PLEKHG2: variants seen among roughly 807,000 people sequenced by gnomAD.
PLEKHG2 encodes the protein pleckstrin homology domain-containing family G member 2.
In PLEKHG2, 71 loss-of-function variants were observed where a neutral mutation model predicts 104.4. The ratio of observed to expected loss-of-function variants is 0.68; its 90% CI spans 0.56 to 0.83. The LOEUF (loss-of-function observed/expected upper bound fraction) is 0.83, where lower values mean the gene tolerates loss of function less well. Among genes scored for constraint, PLEKHG2 ranks in the 40% least tolerant of loss-of-function variants. The pLI, the probability that PLEKHG2 is intolerant of heterozygous loss-of-function variation, is 0.00. For synonymous variants in PLEKHG2, 728 were observed against 737.0 expected, an observed-to-expected ratio of 0.99 and a Z score of 0.20; for missense variants, 1,730 against 1,809.4, an observed-to-expected ratio of 0.96 and a Z score of 0.80.
Position 39,423,987 on chromosome 19 carries a change from G to C in PLEKHG2, c.2854G>C (p.Ala952Pro), listed in dbSNP as rs202165686. The C allele has an allele frequency of 5.6e-6, 9 of 1,613,982 alleles. No individual in the cohort carries two copies. In the East Asian group the frequency reaches 1.8e-4, roughly 32 times the overall value. ...GGSRHVQAPAATPLPKQEGPL... is the reference protein window; with the variant it reads ...GGSRHVQAPAPTPLPKQEGPL... ...TTCCCGGCATGTCCAGGCTCCAGCC[G>C]CCACACCTTTGCCCAAGCAAGAAGG... Residue 952 changes from alanine (A) to proline (P), a missense_variant, in exon 19 of 19, where the codon GCC (alanine) becomes CCC (proline). Ala to Pro is a conservative substitution (Grantham distance 27). Transcript: ENST00000425673.
chr19:39,417,729 G>A, intron 8 of PLEKHG2, 37 bp downstream of exon 8: 1 of 1,461,818 alleles, frequency 6.8e-7, no homozygotes, highest in African/African-American at 1.4e-5. Context: ...CTGGATGAGG[G>A]AGTGAGCGAG....
chr19:39,417,452 C>T, intron 7 of PLEKHG2, 103 bp from the exon 8 acceptor site: 1 of 1,438,920 alleles, frequency 6.9e-7, no homozygotes. Flanking sequence ...TGCGCCTGGC[C>T]TCTGCCCCTA....
rs1013356727 is a variant in PLEKHG2 at position 39,413,993 on chromosome 19, C to T, written c.-22-72C>T. On this transcript the variant is annotated intron_variant, in intron 1 of 18. Coordinates refer to ENST00000425673, the MANE Select transcript of PLEKHG2 (RefSeq NM_022835.3). The surrounding 1 kb of genome is among the most constrained non-coding windows in gnomAD (Gnocchi z 4.5). The stretch of plus-strand genomic sequence containing the variant: ...TTTACACCACGCTCCTAATTCCCAG[C>T]CCCCATCTGTGAGTCTGGGCGGCGG... The T allele has an allele frequency of 1.1e-5, 12 of 1,046,856 alleles. No homozygotes were observed. Among genetic ancestry groups the T allele is most frequent in the East Asian group, 2.7e-5 (1 of 37,500 alleles). 64.8% of individuals were successfully genotyped at this position (1,046,856 alleles called of 1,614,324 possible). A position where few individuals can be genotyped will look rare whatever the true frequency, so the allele number is the denominator to read the frequency against.
chr19:39,425,090 G>T lies in PLEKHG2; in HGVS notation c.3957G>T (p.Pro1319=), dbSNP rs753163544. The change falls in exon 19 of 19, where the codon CCG becomes CCT. Residue 1319 remains proline, a synonymous_variant. Transcript: ENST00000425673. ...SSAPTSRASS[P]PPQPQPPPPP... is the part of the protein sequence containing the mutation. ...CTCCCACGTCACGGGCATCTTCGCC[G>T]CCCCCCCAGCCCCAGCCACCACCTC... 3.8e-6 allele frequency: 6 copies of T among 1,583,870 alleles called. No individual in the cohort carries two copies. Among genetic ancestry groups the T allele is most frequent in the Non-Finnish European group, 5.1e-6 (6 of 1,165,664 alleles).
chr19:39,416,673 C>G lies in PLEKHG2; in HGVS notation c.593+76C>G. 2 of 1,573,080 alleles carry G rather than the reference C, an allele frequency of 1.3e-6. No homozygotes were observed. Among genetic ancestry groups the G allele is most frequent in the South Asian group, 1.1e-5 (1 of 89,036 alleles). On this transcript the variant is annotated intron_variant, in intron 6 of 18. Transcript: ENST00000425673. The surrounding 1 kb of genome is among the most constrained non-coding windows in gnomAD (Gnocchi z 4.5). Reference sequence around the variant, plus strand: ...GTGCCAGTCACCCGTCACCCTCCCTCTACCCCCGACCCATCCAGCACCGAC... The same window carrying G: ...GTGCCAGTCACCCGTCACCCTCCCTGTACCCCCGACCCATCCAGCACCGAC...
At chr19:39,422,704 T>G (rs2078718556) in intron 17 of PLEKHG2, 28 bp from the exon 18 acceptor site, 1 of 1,510,246 alleles carries the variant, frequency 6.6e-7, no homozygotes, top group East Asian at 2.3e-5. Flanking sequence ...GCTGATATGT[T>G]TGGCTTGTTC....
At chr19:39,417,437 G>A (rs1369137378) in intron 7 of PLEKHG2, 118 bp from the exon 8 acceptor site, 2 of 1,307,714 alleles carry the variant, frequency 1.5e-6, no homozygotes, top group Non-Finnish European at 2.1e-6. Flanking sequence ...ACAGACATGA[G>A]CCACTGCGCC....
At chr19:39,420,574 C>T (rs1036130052) in intron 11 of PLEKHG2, 52 bp from the exon 12 acceptor site, 1 of 1,612,376 alleles carries the variant, frequency 6.2e-7, no homozygotes, top group South Asian at 1.1e-5. Flanking sequence ...AGTATCCTCT[C>T]TGTGGTACTC....
intron 2 of PLEKHG2, among the ~76,000 whole-genome samples, chr19:39,414,605 G>A (rs1033780459): frequency 4.6e-5 from 7 of 152,204 alleles, no homozygotes; most frequent in African/African-American, 1.4e-4. Flanking sequence ...GTAAGAAGAG[G>A]GGTGGCTGTG....
intron 16 of PLEKHG2, chr19:39,421,592 G>A: frequency 2.1e-6 from 1 of 475,836 alleles, no homozygotes; most frequent in Non-Finnish European, 3.9e-6. Flanking sequence ...GGAGACTGAG[G>A]TGGGAGGATT....
rs375324424 is a variant in PLEKHG2, at chr19:39,424,784, A to T, written c.3651A>T (p.Arg1217Ser). ...CAGCTGCCACACCTTTACCTGAGAG[A>T]GGAGGCTCTCTAGACATTCAGGGCC... ...HVPAATPLPE[R>S]GGSLDIQGLS... is the part of the protein sequence containing the mutation. The change falls in exon 19 of 19, where the codon AGA (arginine) becomes AGT (serine). Residue 1217 changes from arginine (R) to serine (S), a missense_variant. Coordinates refer to ENST00000425673, the MANE Select transcript of PLEKHG2 (RefSeq NM_022835.3). The T allele has an allele frequency of 4.6e-5, 75 of 1,614,126 alleles. No homozygotes were observed. Among genetic ancestry groups the T allele is most frequent in the Non-Finnish European group, 6.3e-5 (74 of 1,180,012 alleles).
At chr19:39,417,756 T>TGGGGGGGGGGGGCCTGGGGGGGGGGG in intron 8 of PLEKHG2, 64 bp downstream of exon 8, 1 of 343,348 alleles carries the variant, frequency 2.9e-6, no homozygotes. Context: ...TTGGGGCGGG[T>TGGGGGGGGGGGGCCTGGGGGGGGGGG]GGGGGGAAAT....
intron 8 of PLEKHG2, 98 bp from the exon 9 acceptor site, chr19:39,417,807 C>A: frequency 6.7e-7 from 1 of 1,500,518 alleles, no homozygotes. Flanking sequence ...GCTGGGACAG[C>A]ATGGCCCTGT....
At position 39,424,176 on chromosome 19, in the gene PLEKHG2, C is replaced by T. The variant is rs772894496; in HGVS notation, c.3043C>T (p.His1015Tyr). ...CPEQGHCADI[H>Y]VPTTPALPKE... ...TGAGCAGGGACACTGTGCGGACATC[C>T]ACGTTCCCACCACTCCAGCTTTGCC... The change falls in exon 19 of 19, where the codon CAC (histidine) becomes TAC (tyrosine). Residue 1015 changes from histidine to tyrosine, a missense_variant. Transcript: ENST00000425673. 6.2e-7 allele frequency: 1 copy of T among 1,614,180 alleles called. No homozygotes were observed. The highest frequency in any genetic ancestry group is 1.1e-5 in the South Asian group (1 of 91,086).
chr19:39,421,434 T>G, intron 16 of PLEKHG2, 135 bp downstream of exon 16: 1 of 1,052,744 alleles, frequency 9.5e-7, no homozygotes, highest in East Asian at 2.6e-5. Flanking sequence ...GCCTGTAATC[T>G]CAGTATTTTG....
Position 39,424,017 on chromosome 19 carries a change from C to G in PLEKHG2, c.2884C>G (p.Leu962Val). ...ACCTTTGCCCAAGCAAGAAGGCCCC[C>G]TGCACCTCCAGGTGCCGGCTCTTAC... is the stretch of plus-strand genomic sequence containing the variant. The part of the protein sequence containing the change: ...ATPLPKQEGP[L>V]HLQVPALTTF... The change falls in exon 19 of 19, where the codon CTG (leucine) becomes GTG (valine). Residue 962 changes from leucine to valine, a missense_variant. Leu to Val is a conservative substitution (Grantham distance 32). Coordinates refer to ENST00000425673, the MANE Select transcript of PLEKHG2 (RefSeq NM_022835.3). 1 of 1,614,126 alleles carries G rather than the reference C, an allele frequency of 6.2e-7. No individual in the cohort carries two copies. The highest frequency in any genetic ancestry group is 8.5e-7 in the Non-Finnish European group (1 of 1,179,996).
intron 2 of PLEKHG2, among the ~76,000 whole-genome samples, chr19:39,414,572 T>C (rs1354213066): frequency 1.3e-5 from 2 of 152,136 alleles, no homozygotes; most frequent in Non-Finnish European, 2.9e-5. Context: ...TGAAAGAAGT[T>C]GAGTGTCACT....
At position 39,423,632 on chromosome 19, in the gene PLEKHG2, C is replaced by T. The variant is rs550247261; in HGVS notation, c.2578C>T (p.Pro860Ser). 10 of 1,537,486 alleles carry T rather than the reference C, an allele frequency of 6.5e-6. No homozygotes were observed. The African/African-American group carries it at 1.4e-4, about 21-fold the overall frequency. ...LAQPQPSPCLPQEQAEPGLLP... is the reference protein window; with the variant it reads ...LAQPQPSPCLSQEQAEPGLLP... ...CCAACCCCAGCCATCCCCCTGTCTG[C>T]CCCAGGAGCAGGCAGAGCCAGGTGA... Residue 860 changes from proline to serine, a missense_variant, in exon 18 of 19, where the codon CCC becomes TCC. By Grantham distance (74) the Pro-to-Ser change is moderately conservative. Coordinates refer to ENST00000425673, the MANE Select transcript of PLEKHG2 (RefSeq NM_022835.3).
Position 39,423,957 on chromosome 19 carries a change from G to A in PLEKHG2, c.2824G>A (p.Gly942Arg), listed in dbSNP as rs773547088. The change falls in exon 19 of 19, where the codon GGA becomes AGA. Residue 942 changes from glycine to arginine, a missense_variant. Physicochemically the swap from Gly to Arg is moderately radical, Grantham distance 125. Transcript: ENST00000425673. ...VSAATLLPEQGGSRHVQAPAA... is the reference protein window; with the variant it reads ...VSAATLLPEQRGSRHVQAPAA... ...AGCTGCTACCCTTTTGCCTGAGCAA[G>A]GAGGTTCCCGGCATGTCCAGGCTCC... The A allele has an allele frequency of 6.2e-7, 1 of 1,614,046 alleles. No individual in the cohort carries two copies. The highest frequency in any genetic ancestry group is 8.5e-7 in the Non-Finnish European group (1 of 1,180,018).
Sources: allele counts gnomAD v4.1 joint callset (sites outside exome capture counted in the v4.1 genomes callset), GRCh38; gene constraint gnomAD v4.1.1; non-coding constraint Gnocchi (gnomAD v3.1); transcripts MANE v1.5; gene names NCBI Gene and HGNC (gene_info 2026-07-23, HGNC 2026-07-21).